Variants in XKR4 observed in about 807,000 individuals in gnomAD.
The protein encoded by XKR4 is XK-related protein 4.
In XKR4, 12 loss-of-function variants were observed where a neutral mutation model predicts 53.9. That is an observed-to-expected ratio of 0.22 (90% CI 0.14 to 0.36). XKR4 has a LOEUF of 0.36. Ranked by LOEUF, XKR4 falls within the 10% of genes least tolerant of loss-of-function variation. The probability of loss-of-function intolerance (pLI) is 1.00; values close to 1 mark genes in which losing one functional copy is unlikely to be tolerated. For synonymous variants in XKR4, 354 were observed against 362.4 expected (o/e 0.98, Z 0.26); for missense variants, 799 against 859.5 (o/e 0.93, Z 0.88).
intron 2 of XKR4, among the ~76,000 whole-genome samples, chr8:55,399,325 G>C (rs113472007): frequency 6.6e-6 from 1 of 152,306 alleles, no homozygotes; most frequent in African/African-American, 2.4e-5. Flanking sequence ...CAAAGGAAAA[G>C]ATAATTCACC....
At chr8:55,270,399 C>T (rs1740674218) in intron 1 of XKR4, among the ~76,000 whole-genome samples, 1 of 152,180 alleles carries the variant, frequency 6.6e-6, no homozygotes, top group Admixed American at 6.5e-5. Flanking sequence ...CCAGTCTTGG[C>T]ATCCTCCCCA....
At chr8:55,414,369 T>A (rs1026113919) in intron 2 of XKR4, among the ~76,000 whole-genome samples, 1 of 152,122 alleles carries the variant, frequency 6.6e-6, no homozygotes, top group Non-Finnish European at 1.5e-5. Flanking sequence ...GCATTGAGTT[T>A]CTGTTCTCCA....
At chr8:55,415,411 G>A (rs1804833095) in intron 2 of XKR4, among the ~76,000 whole-genome samples, 1 of 152,164 alleles carries the variant, frequency 6.6e-6, no homozygotes, top group Non-Finnish European at 1.5e-5. Flanking sequence ...TATGTCAGAA[G>A]CTAAATACAT....
At chr8:55,223,943 G>A (rs1817920658) in intron 1 of XKR4, among the ~76,000 whole-genome samples, 1 of 151,992 alleles carries the variant, frequency 6.6e-6, no homozygotes, top group East Asian at 1.9e-4. Context: ...TTGCTCACAA[G>A]CAGAAAAGAA....
At chr8:55,375,319 G>C (rs1804131044) in intron 2 of XKR4, among the ~76,000 whole-genome samples, 1 of 152,168 alleles carries the variant, frequency 6.6e-6, no homozygotes, top group Admixed American at 6.5e-5. Context: ...CCTCCTCCTT[G>C]CCTGCCTCCA....
intron 1 of XKR4, among the ~76,000 whole-genome samples, chr8:55,338,387 C>T (rs1377089152): frequency 6.6e-6 from 1 of 152,134 alleles, no homozygotes; most frequent in African/African-American, 2.4e-5. Flanking sequence ...TCCAGGGCAC[C>T]AGAGTAGGAG....
chr8:55,266,853 C>A (rs955833951), intron 1 of XKR4, among the ~76,000 whole-genome samples: 11 of 152,094 alleles, frequency 7.2e-5, no homozygotes, highest in Admixed American at 5.9e-4. Context: ...AGTGTATATC[C>A]TGTATAAATA....
intron 1 of XKR4, among the ~76,000 whole-genome samples, chr8:55,268,316 G>T (rs1441329991): frequency 6.6e-6 from 1 of 152,058 alleles, no homozygotes; most frequent in Admixed American, 6.6e-5. Context: ...ACTTTACAAG[G>T]CAATAATTTT....
intron 1 of XKR4, among the ~76,000 whole-genome samples, chr8:55,163,954 T>G (rs1271678900): frequency 6.6e-6 from 1 of 152,242 alleles, no homozygotes; most frequent in African/African-American, 2.4e-5. Context: ...GAAAACATAC[T>G]TAGAAGTGCT....
intron 2 of XKR4, among the ~76,000 whole-genome samples, chr8:55,483,481 G>T (rs2129401463): frequency 6.6e-6 from 1 of 152,006 alleles, no homozygotes; most frequent in East Asian, 1.9e-4. Context: ...AAATGGGGCT[G>T]GAAAACTGAA....
At chr8:55,219,733 A>G (rs543621116) in intron 1 of XKR4, among the ~76,000 whole-genome samples, 1 of 152,292 alleles carries the variant, frequency 6.6e-6, no homozygotes, top group South Asian at 2.1e-4. Flanking sequence ...ATATAAATGT[A>G]AGCTATTGTA....
chr8:55,514,537 A>G (rs1189418492), intron 2 of XKR4, among the ~76,000 whole-genome samples: 5 of 152,110 alleles, frequency 3.3e-5, no homozygotes, highest in Non-Finnish European at 5.9e-5. Context: ...GGGATCATTA[A>G]ATGCAGATTA....
At chr8:55,363,972 C>T (rs994073059) in intron 2 of XKR4, among the ~76,000 whole-genome samples, 1 of 152,202 alleles carries the variant, frequency 6.6e-6, no homozygotes, top group African/African-American at 2.4e-5. Context: ...AACAACACGA[C>T]AGAACATATT....
At chr8:55,278,025 G>C (rs1197481634) in intron 1 of XKR4, among the ~76,000 whole-genome samples, 1 of 152,150 alleles carries the variant, frequency 6.6e-6, no homozygotes, top group Non-Finnish European at 1.5e-5. Context: ...AGCAGCACCT[G>C]CTAAGTAATA....
chr8:55,174,452 C>CATCTTCTGT (rs1389932254), intron 1 of XKR4, among the ~76,000 whole-genome samples: 2 of 152,142 alleles, frequency 1.3e-5, no homozygotes, highest in Non-Finnish European at 2.9e-5. Flanking sequence ...ATGGGGACTA[C>CATCTTCTGT]ATCTTCTGTA....
intron 1 of XKR4, among the ~76,000 whole-genome samples, chr8:55,336,536 G>C (rs1803464388): frequency 6.6e-6 from 1 of 152,136 alleles, no homozygotes; most frequent in South Asian, 2.1e-4. Flanking sequence ...ATTGTGCTAT[G>C]GTTATGTAGG....
At chr8:55,123,881 A>G (rs1427222854) in intron 1 of XKR4, among the ~76,000 whole-genome samples, 2 of 152,230 alleles carry the variant, frequency 1.3e-5, no homozygotes, top group African/African-American at 4.8e-5. Flanking sequence ...CTCTGAAACT[A>G]CAATTTACAG....
At position 55,527,787 on chromosome 8, in the gene XKR4, A is replaced by T. The variant is rs1698176973; in HGVS notation, c.*3560A>T. The T allele has an allele frequency of 6.6e-6, 1 of 152,222 alleles. No individual in the cohort carries two copies. The highest frequency in any genetic ancestry group is 2.4e-5 in the African/African-American group (1 of 41,462). 9.4% of individuals were successfully genotyped at this position (152,222 alleles called of 1,614,324 possible). On this transcript the variant is annotated 3_prime_UTR_variant, in exon 3 of 3. Coordinates refer to ENST00000327381, the MANE Select transcript of XKR4 (RefSeq NM_052898.2). ...ATAATTCAAGTATTAGCAAAAGATA[A>T]TCTGAGGATAAAAGTAAAATGAAGT...
intron 1 of XKR4, among the ~76,000 whole-genome samples, chr8:55,206,159 G>C (rs768954089): frequency 6.6e-6 from 1 of 152,204 alleles, no homozygotes; most frequent in Non-Finnish European, 1.5e-5. Flanking sequence ...GATTTATTGC[G>C]AAGAGCAAAA....
Sources: gnomAD v4.1 joint callset for allele counts (sites outside exome capture counted in the v4.1 genomes callset) on GRCh38, gnomAD v4.1.1 for gene constraint, MANE v1.5 for transcripts, NCBI Gene and HGNC (gene_info 2026-07-23, HGNC 2026-07-21) for gene names.